Variants in WDR91 observed in about 807,000 individuals in gnomAD.
The protein encoded by WDR91 is WD repeat-containing protein 91.
Under a neutral mutation model 88.4 loss-of-function variants are expected in WDR91, and 52 were observed. That is an observed-to-expected ratio of 0.59 (90% CI 0.47 to 0.74). The LOEUF is 0.74. WDR91 is among the 30% of genes least tolerant of loss of function. The pLI, the probability that WDR91 is intolerant of heterozygous loss-of-function variation, is 0.00. For missense variants in WDR91, 824 were observed against 954.5 expected (o/e 0.86, Z 1.80); for synonymous variants, 362 against 389.5 (o/e 0.93, Z 0.83).
chr7:135,192,341 C>G (rs557921844), intron 11 of WDR91, among the ~76,000 whole-genome samples: 1 of 152,166 alleles, frequency 6.6e-6, no homozygotes, highest in Admixed American at 6.5e-5. Context: ...TGGACTTGAA[C>G]TCCTGGCCTC....
At position 135,193,743 on chromosome 7, in the gene WDR91, G is replaced by A. The variant is rs1362722579; in HGVS notation, c.1396-71C>T. ...GGCTGAGTCAGGGAGGATCTCCAGA[G>A]GGGGTGAGGCTGGGCAGGCTGTGGG... On this transcript the variant is annotated intron_variant, in intron 9 of 14. Transcript: ENST00000354475. 3 of 1,392,482 alleles carry A rather than the reference G, an allele frequency of 2.2e-6. No homozygotes were observed. In the East Asian group the frequency reaches 7.2e-5, roughly 33 times the overall value. The allele number at this position is 1,392,482 out of a possible 1,614,324, so 86.3% of individuals were successfully genotyped here.
intron 12 of WDR91, among the ~76,000 whole-genome samples, chr7:135,188,781 TG>T (rs1831050076): frequency 6.6e-6 from 1 of 152,136 alleles, no homozygotes; most frequent in African/African-American, 2.4e-5. Context: ...CAGGAGTCCC[TG>T]GGGGGAGCTC....
chr7:135,200,111 T>G (rs1831517680), intron 6 of WDR91: 1 of 152,262 alleles, frequency 6.6e-6, no homozygotes, highest in African/African-American at 2.4e-5. Flanking sequence ...TCCTTAAATC[T>G]ATGTTAATCA....
chr7:135,209,009 ACAAGGAGGTAG>A lies in WDR91; in HGVS notation c.304-22_304-12del. On this transcript the variant is annotated splice_polypyrimidine_tract_variant and intron_variant, in intron 2 of 14. Coordinates refer to ENST00000354475, the MANE Select transcript of WDR91 (RefSeq NM_014149.4). Reference sequence around the variant, plus strand: ...GTCATTTCTGTTTGTCTGCCAAGACACAAGGAGGTAGCAAGGAGGGAGGAGAGACAGAAATC... The same window carrying A: ...GTCATTTCTGTTTGTCTGCCAAGACACAAGGAGGGAGGAGAGACAGAAATC... 1 of 1,612,144 alleles carries A rather than the reference ACAAGGAGGTAG, an allele frequency of 6.2e-7. No homozygotes were observed. Among genetic ancestry groups the A allele is most frequent in the Non-Finnish European group, 8.5e-7 (1 of 1,178,690 alleles).
intron 9 of WDR91, 46 bp downstream of exon 9, chr7:135,194,888 C>G: frequency 6.2e-7 from 1 of 1,606,722 alleles, no homozygotes; most frequent in Non-Finnish European, 8.5e-7. Flanking sequence ...TGGGGAATTC[C>G]TCCACTGAGC....
At position 135,185,071 on chromosome 7, in the gene WDR91, T is replaced by A. The variant is rs762740083; in HGVS notation, c.*1080A>T. The A allele has an allele frequency of 6.6e-6, 1 of 152,164 alleles. No homozygotes were observed. Among genetic ancestry groups the A allele is most frequent in the Non-Finnish European group, 1.5e-5 (1 of 68,084 alleles). 9.4% of individuals were successfully genotyped at this position (152,164 alleles called of 1,614,324 possible). ...TTTTAGTAGAGATGGGGTTTCACCA[T>A]GTTGGCCAGGCTGGTCTCAAGCTCC... is the stretch of plus-strand genomic sequence containing the variant. On this transcript the variant is annotated 3_prime_UTR_variant, in exon 15 of 15. Coordinates refer to ENST00000354475, the MANE Select transcript of WDR91 (RefSeq NM_014149.4).
Position 135,208,891 on chromosome 7 carries a change from C to A in WDR91, c.411G>T (p.Pro137=). Residue 137 remains proline, a synonymous_variant, in exon 3 of 15, where the codon CCG becomes CCT. Transcript: ENST00000354475. ...DWFVLPFLPS[P]DTNPTFATYF... ...AGGTAGCAAAGGTGGGGTTGGTGTCCGGGGATGGCAGGAAGGGCAGGACAA... is the reference window on the plus strand; with the variant it reads ...AGGTAGCAAAGGTGGGGTTGGTGTCAGGGGATGGCAGGAAGGGCAGGACAA... 6.2e-7 allele frequency: 1 copy of A among 1,614,108 alleles called. No homozygotes were observed. Among genetic ancestry groups the A allele is most frequent in the Non-Finnish European group, 8.5e-7 (1 of 1,180,012 alleles).
At chr7:135,209,949 A>T in intron 1 of WDR91, 194 bp from the exon 2 acceptor site, 1 of 465,750 alleles carries the variant, frequency 2.1e-6, no homozygotes, top group Non-Finnish European at 3.7e-6. Context: ...AAGTGGTTTG[A>T]CCCTCTAGCA....
In WDR91 at chr7:135,205,213, G is replaced by A. The variant is rs187654590; in HGVS notation, c.725+715C>T. Among the ~76,000 whole-genome samples, 6 of 152,314 alleles carry A rather than the reference G, an allele frequency of 3.9e-5. No individual in the cohort carries two copies. In the East Asian group the frequency reaches 5.8e-4, roughly 15 times the overall value. On this transcript the variant is annotated intron_variant, in intron 5 of 14. Coordinates refer to ENST00000354475, the MANE Select transcript of WDR91 (RefSeq NM_014149.4). ...CCTTCCTCTTTAAACCGTCAGAGAG[G>A]TGCATGCTTCTACTGAGGAATGCAT...
intron 7 of WDR91, 122 bp downstream of exon 7, chr7:135,197,871 A>G (rs1203993508): frequency 7.8e-7 from 1 of 1,276,866 alleles, no homozygotes; most frequent in African/African-American, 1.5e-5. Context: ...CATTGAAACC[A>G]ATTAAGCAAA....
intron 9 of WDR91, among the ~76,000 whole-genome samples, chr7:135,194,575 G>A (rs1486614402): frequency 6.6e-6 from 1 of 152,178 alleles, no homozygotes. Context: ...CTCACCAGCG[G>A]AAGCCACTTC....
intron 7 of WDR91, 75 bp downstream of exon 7, chr7:135,197,918 A>C: frequency 6.5e-7 from 1 of 1,529,732 alleles, no homozygotes; most frequent in South Asian, 1.2e-5. Flanking sequence ...CAGAAGAGAG[A>C]GAAGAGAAGA....
At chr7:135,188,236 G>C (rs1335692645) in intron 13 of WDR91, among the ~76,000 whole-genome samples, 197 bp downstream of exon 13, 1 of 152,126 alleles carries the variant, frequency 6.6e-6, no homozygotes, top group African/African-American at 2.4e-5. Context: ...CTTTCATAAG[G>C]ATAGCCAACT....
At chr7:135,209,853 T>TA (rs898442822) in intron 1 of WDR91, 98 bp from the exon 2 acceptor site, 378 of 1,125,018 alleles carry the variant, frequency 3.4e-4, no homozygotes, top group Middle Eastern at 6.4e-4. Context: ...CTTCTGGGTG[T>TA]AAAAAAAAAT....
rs1831307321 is a variant in WDR91 at position 135,194,960 on chromosome 7, C to T, written c.1369G>A (p.Glu457Lys). The T allele has an allele frequency of 1.2e-6, 2 of 1,614,164 alleles. No homozygotes were observed. Among genetic ancestry groups the T allele is most frequent in the African/African-American group, 1.3e-5 (1 of 75,056 alleles). Reference protein sequence around the residue: ...SISKSPLLSLEWATKRDRLLL... With the variant: ...SISKSPLLSLKWATKRDRLLL... ...AGTCTGTCCCGTTTGGTGGCCCATT[C>T]CAAAGACAGCAGCGGTGATTTGGAA... The change falls in exon 9 of 15, where the codon GAA becomes AAA. Residue 457 changes from glutamate to lysine, a missense_variant. Coordinates refer to ENST00000354475, the MANE Select transcript of WDR91 (RefSeq NM_014149.4).
At chr7:135,193,493 G>C in intron 10 of WDR91, 85 bp downstream of exon 10, 2 of 1,610,908 alleles carry the variant, frequency 1.2e-6, no homozygotes, top group Non-Finnish European at 1.7e-6. Flanking sequence ...CAGGAGATGG[G>C]GCATTAGGCT....
chr7:135,198,237 G>C, intron 6 of WDR91, 86 bp from the exon 7 acceptor site: 5 of 1,490,976 alleles, frequency 3.4e-6, no homozygotes, highest in Non-Finnish European at 4.5e-6. Context: ...CCCTGGGCGG[G>C]GGGGCGTGGT....
At chr7:135,205,795 G>T in intron 5 of WDR91, 133 bp downstream of exon 5, 2 of 1,315,902 alleles carry the variant, frequency 1.5e-6, no homozygotes, top group Non-Finnish European at 2.1e-6. Flanking sequence ...CAAGAGCAGT[G>T]TGTGCCAGGA....
intron 11 of WDR91, among the ~76,000 whole-genome samples, chr7:135,191,105 T>C (rs1831146655): frequency 6.6e-6 from 1 of 152,140 alleles, no homozygotes; most frequent in African/African-American, 2.4e-5. Context: ...GCCAATTACA[T>C]GGAGAGCTAA....
Sources: gnomAD v4.1 joint callset for allele counts (sites outside exome capture counted in the v4.1 genomes callset) on GRCh38, gnomAD v4.1.1 for gene constraint, MANE v1.5 for transcripts, NCBI Gene and HGNC (gene_info 2026-07-23, HGNC 2026-07-21) for gene names.